Variants in KCNAB1 observed in about 807,000 individuals in gnomAD.
KCNAB1 encodes voltage-gated potassium channel subunit beta-1.
A neutral mutation model predicts 64.6 loss-of-function variants in KCNAB1; 35 were observed. That is an observed-to-expected ratio of 0.54 (90% confidence interval 0.41 to 0.72). KCNAB1 has a LOEUF of 0.72. KCNAB1 is among the 30% of genes least tolerant of loss of function. The pLI is 0.00. For synonymous variants in KCNAB1, 177 were observed against 183.8 expected, an observed-to-expected ratio of 0.96 and a Z score of 0.30; for missense variants, 401 against 512.9, an observed-to-expected ratio of 0.78 and a Z score of 2.11.
chr3:156,273,559 G>T (rs1160221), intron 1 of KCNAB1: 354,551 of 456,304 alleles, frequency 0.78, 139,357 homozygotes, highest in East Asian at 0.98. Context: ...GCACACAGAT[G>T]CTCTTTCCAT....
At chr3:156,402,166 A>C (rs1414777478) in intron 1 of KCNAB1, among the ~76,000 whole-genome samples, 1 of 151,668 alleles carries the variant, frequency 6.6e-6, no homozygotes, top group Non-Finnish European at 1.5e-5. Flanking sequence ...AAAAAAAGAG[A>C]GAAAAGAAAA....
chr3:156,262,624 A>C (rs995549242), intron 1 of KCNAB1, among the ~76,000 whole-genome samples: 1 of 151,862 alleles, frequency 6.6e-6, no homozygotes, highest in Non-Finnish European at 1.5e-5. Flanking sequence ...GAGTGATATC[A>C]ATCTGTAGTT....
intron 8 of KCNAB1, among the ~76,000 whole-genome samples, chr3:156,514,101 A>C (rs528062337): frequency 1.3e-5 from 2 of 152,352 alleles, no homozygotes; most frequent in South Asian, 4.1e-4. Context: ...GGAAGAACTT[A>C]AAATGGTCAT....
At chr3:156,331,636 CT>C (rs200935140) in intron 1 of KCNAB1, among the ~76,000 whole-genome samples, 10 of 151,348 alleles carry the variant, frequency 6.6e-5, no homozygotes, top group East Asian at 1.9e-4. Flanking sequence ...ATTACAATGG[CT>C]TTTTTTTTAA....
At chr3:156,467,253 A>G (rs1030095633) in intron 7 of KCNAB1, among the ~76,000 whole-genome samples, 5 of 152,160 alleles carry the variant, frequency 3.3e-5, no homozygotes, top group African/African-American at 1.2e-4. Context: ...TACTAAATGC[A>G]TATCACTTTC....
intron 1 of KCNAB1, among the ~76,000 whole-genome samples, chr3:156,144,202 T>C (rs575506578): frequency 6.6e-6 from 1 of 152,276 alleles, no homozygotes; most frequent in African/African-American, 2.4e-5. Flanking sequence ...AAGGACAAGG[T>C]ACTGAAAACT....
intron 2 of KCNAB1, among the ~76,000 whole-genome samples, chr3:156,434,614 A>G (rs1231311143): frequency 6.6e-6 from 1 of 152,228 alleles, no homozygotes; most frequent in Non-Finnish European, 1.5e-5. Context: ...TAGTTCCTAG[A>G]TATTTTCTGT....
At chr3:156,285,186 TTGA>T (rs1168113890) in intron 1 of KCNAB1, among the ~76,000 whole-genome samples, 1 of 152,206 alleles carries the variant, frequency 6.6e-6, no homozygotes. Flanking sequence ...TGTACTCGGG[TTGA>T]TATTATTTTA....
intron 1 of KCNAB1, among the ~76,000 whole-genome samples, chr3:156,207,485 C>T (rs1317398225): frequency 6.6e-6 from 1 of 152,184 alleles, no homozygotes; most frequent in Non-Finnish European, 1.5e-5. Context: ...TACACCTTTG[C>T]AAATAAACTC....
At chr3:156,346,361 A>G (rs1449814463) in intron 1 of KCNAB1, among the ~76,000 whole-genome samples, 1 of 152,126 alleles carries the variant, frequency 6.6e-6, no homozygotes, top group Non-Finnish European at 1.5e-5. Context: ...AAAGAACATA[A>G]TTTGTATGTG....
chr3:156,528,560 T>C lies in KCNAB1; in HGVS notation c.1082-2849T>C, dbSNP rs370505303. 2.5e-4 allele frequency among the ~76,000 whole-genome samples: 38 copies of C among 152,294 alleles called. 2 individuals are homozygous for C. The South Asian group carries it at 5.6e-3, about 22-fold the overall frequency. On this transcript the variant is annotated intron_variant, in intron 12 of 13. Transcript: ENST00000490337. ...GGGATAAGGGAATTAGAGTAGGAGC[T>C]TGGAATTCAGGGAAGTACTTTAGGA...
chr3:156,271,218 T>C (rs1719017914), intron 1 of KCNAB1, among the ~76,000 whole-genome samples: 2 of 152,218 alleles, frequency 1.3e-5, no homozygotes, highest in Admixed American at 6.5e-5. Flanking sequence ...ACTTGAGTAT[T>C]GATATCTCTC....
intron 1 of KCNAB1, among the ~76,000 whole-genome samples, chr3:156,249,561 AAAAAAAAAAGAAAAAAAAG>A (rs1717691146): frequency 2.6e-4 from 2 of 7,718 alleles, no homozygotes. Context: ...GACTCTGTCT[AAAAAAAAAAGAAAAAAAAG>A]AAAAAAAAAG....
chr3:156,216,430 G>A (rs1289798055), intron 1 of KCNAB1, among the ~76,000 whole-genome samples: 2 of 152,162 alleles, frequency 1.3e-5, no homozygotes, highest in Admixed American at 6.5e-5. Flanking sequence ...ATTACATTCC[G>A]TCATTCTTCA....
At chr3:156,176,230 A>G in intron 1 of KCNAB1, 1 of 786,826 alleles carries the variant, frequency 1.3e-6, no homozygotes, top group Non-Finnish European at 2.4e-6. Flanking sequence ...ATGGCCTGTC[A>G]TGGTGTAGGT....
intron 1 of KCNAB1, among the ~76,000 whole-genome samples, chr3:156,127,884 G>GGGGTGTGTGTGT (rs554272137): frequency 1.9e-4 from 28 of 147,662 alleles, no homozygotes; most frequent in African/African-American, 3.2e-4. Context: ...CTTCATTTGG[G>GGGGTGTGTGTGT]GTGTGTGTGT....
At chr3:156,231,793 G>A (rs547216800) in intron 1 of KCNAB1, among the ~76,000 whole-genome samples, 1 of 152,000 alleles carries the variant, frequency 6.6e-6, no homozygotes, top group Non-Finnish European at 1.5e-5. Flanking sequence ...AAATTTACCT[G>A]TAGCCTGGAA....
intron 1 of KCNAB1, among the ~76,000 whole-genome samples, chr3:156,412,673 G>A (rs981059292): frequency 3.3e-5 from 5 of 152,338 alleles, no homozygotes; most frequent in Non-Finnish European, 5.9e-5. Context: ...AAGTGGTAAG[G>A]CTGATCAGAG....
At chr3:156,206,057 A>G (rs1714642603) in intron 1 of KCNAB1, among the ~76,000 whole-genome samples, 1 of 152,224 alleles carries the variant, frequency 6.6e-6, no homozygotes, top group South Asian at 2.1e-4. Flanking sequence ...AGAATCAGGT[A>G]AAACATCACC....
Sources: gnomAD v4.1 joint callset for allele counts (sites outside exome capture counted in the v4.1 genomes callset) on GRCh38, gnomAD v4.1.1 for gene constraint, MANE v1.5 for transcripts, NCBI Gene and HGNC (gene_info 2026-07-23, HGNC 2026-07-21) for gene names.